The following RNF125 variants were observed in gnomAD, a reference collection of about 807,000 sequenced individuals.
RNF125 encodes the protein E3 ubiquitin-protein ligase RNF125.
RNF125 carries 21 observed loss-of-function variants against 26.0 expected under a neutral mutation model. The observed-to-expected ratio is 0.81, with a 90% CI of 0.57 to 1.16. RNF125 has a LOEUF of 1.16. RNF125 is among the 50% of genes most tolerant of loss of function. The probability of loss-of-function intolerance (pLI) is 0.00; values close to 1 mark genes in which losing one functional copy is unlikely to be tolerated. For missense variants in RNF125, 270 were observed against 299.4 expected (o/e 0.90, Z 0.72); for synonymous variants, 95 against 109.2 (o/e 0.87, Z 0.81).
rs1361234287 is a variant in RNF125, at chr18:32,018,873, G to C, written c.10G>C (p.Val4Leu). 1.9e-6 allele frequency: 3 copies of C among 1,585,132 alleles called. No individual in the cohort carries two copies. Among genetic ancestry groups the C allele is most frequent in the Non-Finnish European group, 2.6e-6 (3 of 1,166,392 alleles). ...GGCGAGAGGCACAGCGATGGGCTCCGTGCTGAGCACCGACAGCGGCAAATC... is the reference window on the plus strand; with the variant it reads ...GGCGAGAGGCACAGCGATGGGCTCCCTGCTGAGCACCGACAGCGGCAAATC... MGS[V>L]LSTDSGKSAP... The change falls in exon 1 of 6, where the codon GTG becomes CTG. Residue 4 changes from valine (V) to leucine (L), a missense_variant. Coordinates refer to ENST00000217740, the MANE Select transcript of RNF125 (RefSeq NM_017831.4).
chr18:32,037,734 G>A (rs902470628), intron 2 of RNF125, among the ~76,000 whole-genome samples: 3 of 152,094 alleles, frequency 2.0e-5, no homozygotes, highest in African/African-American at 4.8e-5. Flanking sequence ...ACCAATTAGC[G>A]CTCTGTAAAA....
At chr18:32,089,115 T>G in the RNF125 span, among the ~76,000 whole-genome samples, 1 of 152,186 alleles carries the variant, frequency 6.6e-6, no homozygotes, top group African/African-American at 2.4e-5. Context: ...GGTTTTACAG[T>G]GTTGGTGAAG....
chr18:32,037,734 G>C (rs902470628), intron 2 of RNF125, among the ~76,000 whole-genome samples: 3 of 151,976 alleles, frequency 2.0e-5, no homozygotes, highest in African/African-American at 2.4e-5. Flanking sequence ...ACCAATTAGC[G>C]CTCTGTAAAA....
At chr18:32,035,468 A>G (rs2039143742) in intron 1 of RNF125, among the ~76,000 whole-genome samples, 1 of 152,240 alleles carries the variant, frequency 6.6e-6, no homozygotes, top group Non-Finnish European at 1.5e-5. Context: ...GTGCCTGCCC[A>G]TCACTAAAGT....
At chr18:32,081,704 C>A in the RNF125 span, among the ~76,000 whole-genome samples, 1 of 152,112 alleles carries the variant, frequency 6.6e-6, no homozygotes, top group Non-Finnish European at 1.5e-5. Context: ...ACAATTCAAC[C>A]TATAAAATCT....
At chr18:32,019,397 C>A (rs973960739) in intron 1 of RNF125, among the ~76,000 whole-genome samples, 1 of 152,074 alleles carries the variant, frequency 6.6e-6, no homozygotes, top group Non-Finnish European at 1.5e-5. Context: ...GGAAAGGAAA[C>A]GAGCTCCAGC....
intron 3 of RNF125, among the ~76,000 whole-genome samples, chr18:32,044,610 C>T (rs994277866): frequency 6.6e-6 from 1 of 151,990 alleles, no homozygotes; most frequent in Non-Finnish European, 1.5e-5. Flanking sequence ...GGTGTGATAC[C>T]AGCTCACTGC....
At chr18:32,038,923 GC>G (rs2039188688) in intron 2 of RNF125, among the ~76,000 whole-genome samples, 1 of 151,504 alleles carries the variant, frequency 6.6e-6, no homozygotes, top group Non-Finnish European at 1.5e-5. Flanking sequence ...CCAACACCAC[GC>G]CTGTCTAACT....
intron 4 of RNF125, among the ~76,000 whole-genome samples, chr18:32,055,316 A>G (rs2039369860): frequency 1.3e-5 from 2 of 149,670 alleles, no homozygotes; most frequent in African/African-American, 5.0e-5. Flanking sequence ...AAAAAAAAAA[A>G]GAAATTAGAC....
intron 4 of RNF125, among the ~76,000 whole-genome samples, chr18:32,058,114 AGAGT>A (rs1282641807): frequency 2.0e-5 from 3 of 149,390 alleles, no homozygotes; most frequent in South Asian, 4.2e-4. Context: ...CCTGGGTGAC[AGAGT>A]GAGACCCCAT....
At chr18:32,057,234 TAATTG>T (rs755951110) in intron 4 of RNF125, among the ~76,000 whole-genome samples, 5 of 152,130 alleles carry the variant, frequency 3.3e-5, no homozygotes, top group Non-Finnish European at 4.4e-5. Context: ...TTATTCTAGA[TAATTG>T]AATGTTATCC....
chr18:32,023,834 A>G (rs2039007549), intron 1 of RNF125, among the ~76,000 whole-genome samples: 1 of 152,208 alleles, frequency 6.6e-6, no homozygotes, highest in South Asian at 2.1e-4. Flanking sequence ...ATGCAGGAGG[A>G]TGGCTTGAGA....
chr18:32,028,371 C>T (rs948895404), intron 1 of RNF125, among the ~76,000 whole-genome samples: 19 of 141,552 alleles, frequency 1.3e-4, no homozygotes, highest in Non-Finnish European at 2.4e-4. Context: ...GACCTTCAAA[C>T]GTTTCAGACT....
chr18:32,049,741 T>C (rs1390942377), intron 4 of RNF125, among the ~76,000 whole-genome samples: 1 of 152,110 alleles, frequency 6.6e-6, no homozygotes, highest in Admixed American at 6.6e-5. Context: ...GAGGTGGTAA[T>C]TGGAACACAA....
rs948336489 is a variant in RNF125 at position 32,068,392 on chromosome 18, A to T, written c.*8A>T. ...CACTCGAACACCACATAATTTTATT[A>T]AAACGAAGGGAAAAGGGACCACTGA... On this transcript the variant is annotated 3_prime_UTR_variant, in exon 6 of 6. Coordinates refer to ENST00000217740, the MANE Select transcript of RNF125 (RefSeq NM_017831.4). 1.3e-6 allele frequency: 2 copies of T among 1,525,618 alleles called. No homozygotes were observed. Among genetic ancestry groups the T allele is most frequent in the Non-Finnish European group, 1.8e-6 (2 of 1,099,686 alleles). 94.5% of individuals were successfully genotyped at this position (1,525,618 alleles called of 1,614,324 possible).
chr18:32,060,769 G>A (rs1202745110), intron 4 of RNF125, among the ~76,000 whole-genome samples: 6 of 152,140 alleles, frequency 3.9e-5, no homozygotes, highest in East Asian at 1.9e-4. Context: ...CACTAGTACC[G>A]ACTTCAGCCC....
the RNF125 span, among the ~76,000 whole-genome samples, chr18:32,085,635 G>A: frequency 0.17 from 24,767 of 142,630 alleles, 2,112 homozygotes; most frequent in South Asian, 0.21. Context: ...TGGGGGTGGA[G>A]GTTGCAGTGA....
the RNF125 span, among the ~76,000 whole-genome samples, chr18:32,089,680 GT>G: frequency 6.6e-6 from 1 of 152,086 alleles, no homozygotes. Context: ...TTATGTCCAA[GT>G]TTTTGCTGGA....
downstream of RNF125, among the ~76,000 whole-genome samples, chr18:32,077,693 C>A (rs771871534): frequency 9.2e-5 from 14 of 151,912 alleles, no homozygotes; most frequent in Non-Finnish European, 1.8e-4. Flanking sequence ...AGAAAAAAAT[C>A]ATAATATTAC....
Sources: allele counts gnomAD v4.1 joint callset (sites outside exome capture counted in the v4.1 genomes callset), GRCh38; gene constraint gnomAD v4.1.1; transcripts MANE v1.5; gene names NCBI Gene and HGNC (gene_info 2026-07-23, HGNC 2026-07-21).